Variants in HUNK observed in about 807,000 individuals in gnomAD.
HUNK encodes the protein hormonally up-regulated neu tumor-associated kinase.
A neutral mutation model predicts 61.0 loss-of-function variants in HUNK; 21 were observed. That is an observed-to-expected ratio of 0.34 (90% CI 0.24 to 0.50). The LOEUF (loss-of-function observed/expected upper bound fraction) is 0.50. Ranked by LOEUF, HUNK falls within the 20% of genes least tolerant of loss-of-function variation. The pLI, the probability that HUNK is intolerant of heterozygous loss-of-function variation, is 0.98. For synonymous variants in HUNK, 371 were observed against 386.1 expected, an observed-to-expected ratio of 0.96 and a Z score of 0.46; for missense variants, 772 against 945.7, an observed-to-expected ratio of 0.82 and a Z score of 2.41.
intron 2 of HUNK, among the ~76,000 whole-genome samples, chr21:31,935,136 G>A (rs2052724852): frequency 6.6e-6 from 1 of 152,218 alleles, no homozygotes; most frequent in Non-Finnish European, 1.5e-5. Context: ...AGGGGGCTAA[G>A]GATGTCCCAC....
intron 2 of HUNK, among the ~76,000 whole-genome samples, chr21:31,933,699 C>T (rs559306096): frequency 6.8e-4 from 103 of 151,168 alleles, no homozygotes; most frequent in African/African-American, 2.2e-3. Flanking sequence ...GCAGGAGAAT[C>T]GCTTGAACCC....
At chr21:31,883,070 C>T (rs1361001285) in intron 1 of HUNK, among the ~76,000 whole-genome samples, 1 of 151,738 alleles carries the variant, frequency 6.6e-6, no homozygotes, top group African/African-American at 2.4e-5. Flanking sequence ...TATCCATGAC[C>T]ATTTGTCACT....
chr21:31,907,091 C>A (rs2052511176), intron 1 of HUNK, among the ~76,000 whole-genome samples: 1 of 152,070 alleles, frequency 6.6e-6, no homozygotes, highest in African/African-American at 2.4e-5. Flanking sequence ...AGGAGAATTT[C>A]TTTCTTGGGA....
At chr21:31,930,516 A>G (rs970502176) in intron 2 of HUNK, among the ~76,000 whole-genome samples, 1 of 152,172 alleles carries the variant, frequency 6.6e-6, no homozygotes, top group African/African-American at 2.4e-5. Context: ...CTTCTCTGGG[A>G]AGCCCTCCAG....
intron 4 of HUNK, among the ~76,000 whole-genome samples, chr21:31,951,199 T>C (rs970233149): frequency 2.7e-5 from 4 of 149,852 alleles, no homozygotes; most frequent in African/African-American, 9.7e-5. Flanking sequence ...TAAATATATA[T>C]ATATATATAA....
chr21:31,875,331 G>T (rs2052252889), intron 1 of HUNK, among the ~76,000 whole-genome samples: 1 of 152,116 alleles, frequency 6.6e-6, no homozygotes, highest in Non-Finnish European at 1.5e-5. Flanking sequence ...GTGAATGCAG[G>T]TCTCCGTCAC....
At chr21:31,929,356 T>C (rs1241335966) in intron 2 of HUNK, among the ~76,000 whole-genome samples, 2 of 152,118 alleles carry the variant, frequency 1.3e-5, no homozygotes, top group Non-Finnish European at 2.9e-5. Flanking sequence ...TGTCTAGGGC[T>C]GTTGTTCATT....
chr21:31,883,024 T>A (rs977013531), intron 1 of HUNK, among the ~76,000 whole-genome samples: 1 of 152,116 alleles, frequency 6.6e-6, no homozygotes, highest in African/African-American at 2.4e-5. Context: ...ACATAATTTT[T>A]TTTTTTTTGT....
intron 1 of HUNK, among the ~76,000 whole-genome samples, chr21:31,921,876 G>A (rs2052624845): frequency 6.6e-6 from 1 of 152,130 alleles, no homozygotes; most frequent in African/African-American, 2.4e-5. Flanking sequence ...AGATAACCGC[G>A]TGTGCTTATA....
chr21:31,957,577 ATTCCCTTGGGCGC>A (rs1192952018), intron 4 of HUNK, among the ~76,000 whole-genome samples: 1 of 152,144 alleles, frequency 6.6e-6, no homozygotes, highest in African/African-American at 2.4e-5. Context: ...TTTAAAGTAT[ATTCCCTTGGGCGC>A]TTTTGAACAC....
chr21:31,917,758 C>A (rs1033052198), intron 1 of HUNK, among the ~76,000 whole-genome samples: 5 of 107,728 alleles, frequency 4.6e-5, no homozygotes, highest in African/African-American at 1.4e-4. Context: ...ACACACACAC[C>A]CCTGGACTGA....
At chr21:31,891,362 G>A (rs368617260) in intron 1 of HUNK, among the ~76,000 whole-genome samples, 1 of 152,264 alleles carries the variant, frequency 6.6e-6, no homozygotes, top group African/African-American at 2.4e-5. Flanking sequence ...GGGCGACAGA[G>A]TGAGACTGTG....
intron 1 of HUNK, among the ~76,000 whole-genome samples, chr21:31,880,261 G>A (rs920847931): frequency 6.6e-6 from 1 of 152,204 alleles, no homozygotes; most frequent in Non-Finnish European, 1.5e-5. Flanking sequence ...ACGTAGAAGG[G>A]TGCCCTGAGT....
At chr21:31,953,873 T>G (rs558647371) in intron 4 of HUNK, among the ~76,000 whole-genome samples, 1 of 152,306 alleles carries the variant, frequency 6.6e-6, no homozygotes, top group Admixed American at 6.5e-5. Context: ...CAATTAAAGT[T>G]ACTACAAAAA....
intron 6 of HUNK, among the ~76,000 whole-genome samples, chr21:31,968,753 T>TGTGTGTGA (rs1292780745): frequency 4.5e-4 from 52 of 115,644 alleles, no homozygotes; most frequent in African/African-American, 1.4e-3. Context: ...TGTGTGTGTG[T>TGTGTGTGA]GAGAGAGAGA....
intron 2 of HUNK, among the ~76,000 whole-genome samples, chr21:31,930,026 G>A (rs2052686035): frequency 6.6e-6 from 1 of 152,202 alleles, no homozygotes; most frequent in South Asian, 2.1e-4. Flanking sequence ...TACAGCAAAA[G>A]TTTTGTGTTT....
intron 10 of HUNK, among the ~76,000 whole-genome samples, chr21:31,996,387 TC>T (rs771685739): frequency 1.2e-4 from 18 of 149,380 alleles, no homozygotes; most frequent in Non-Finnish European, 1.5e-4. Flanking sequence ...AGGTCCAAGT[TC>T]CTTTAGTGCT....
chr21:31,909,405 G>A (rs942938613), intron 1 of HUNK, among the ~76,000 whole-genome samples: 1 of 152,206 alleles, frequency 6.6e-6, no homozygotes, highest in Non-Finnish European at 1.5e-5. Flanking sequence ...TCCCCTGGGT[G>A]GGCGTGGGAG....
chr21:31,873,963 G>C lies in HUNK; in HGVS notation c.261+28G>C. The C allele has an allele frequency of 6.9e-7, 1 of 1,452,082 alleles. No homozygotes were observed. 89.9% of individuals were successfully genotyped at this position (1,452,082 alleles called of 1,614,324 possible). ...GAGTCTCCCGGGCGCCGTGGGGCTG[G>C]GGCACAGGGGCGGGAGTCGGCGGCC... On this transcript the variant is annotated intron_variant, in intron 1 of 10. Coordinates refer to ENST00000270112, the MANE Select transcript of HUNK (RefSeq NM_014586.2). This position sits in a 1 kb window ranked among gnomAD's most constrained non-coding sequence, Gnocchi z 6.1.
Sources: allele counts gnomAD v4.1 joint callset (sites outside exome capture counted in the v4.1 genomes callset), GRCh38; gene constraint gnomAD v4.1.1; non-coding constraint Gnocchi (gnomAD v3.1); transcripts MANE v1.5; gene names NCBI Gene and HGNC (gene_info 2026-07-23, HGNC 2026-07-21).